Variants in GCKR observed in about 807,000 individuals in gnomAD.
GCKR encodes the protein glucokinase regulatory protein.
In GCKR, 73 loss-of-function variants were observed where a neutral mutation model predicts 82.9. The observed-to-expected ratio is 0.88, with a 90% confidence interval of 0.73 to 1.07. GCKR has a LOEUF of 1.07. Ranked by LOEUF, GCKR falls within the 50% of genes least tolerant of loss-of-function variation. GCKR has a pLI of 0.00. For missense variants in GCKR, 784 were observed against 782.1 expected (o/e 1.00, Z -0.03); for synonymous variants, 294 against 291.8 (o/e 1.01, Z -0.08).
chr2:27,517,720 C>T (rs529255350), intron 16 of GCKR, among the ~76,000 whole-genome samples: 5 of 152,278 alleles, frequency 3.3e-5, no homozygotes, highest in African/African-American at 1.2e-4. Flanking sequence ...TTATAAGTGC[C>T]CCAAGGTGGA....
rs1443767435 is a variant in GCKR, at chr2:27,508,000, A to G, written c.1264A>G (p.Ile422Val). The G allele has an allele frequency of 4.0e-5, 64 of 1,613,242 alleles. No individual in the cohort carries two copies. The highest frequency in any genetic ancestry group is 5.1e-5 in the Non-Finnish European group (60 of 1,179,228). ...LDDNLTEVQT[I>V]VEQVKEKTNH... ...AGACAACCTCACGGAGGTGCAGACTATAGTGGAGCAGGTGAAAGAGAAGAC... is the reference window on the plus strand; with the variant it reads ...AGACAACCTCACGGAGGTGCAGACTGTAGTGGAGCAGGTGAAAGAGAAGAC... Residue 422 changes from isoleucine (I) to valine (V), a missense_variant, in exon 15 of 19, where the codon ATA (isoleucine) becomes GTA (valine). Coordinates refer to ENST00000264717, the MANE Select transcript of GCKR (RefSeq NM_001486.4).
intron 4 of GCKR, 93 bp downstream of exon 4, chr2:27,498,416 C>A: frequency 1.0e-6 from 1 of 962,106 alleles, no homozygotes; most frequent in Non-Finnish European, 1.7e-6. Flanking sequence ...TCCCAGGTGG[C>A]CCCCTCACTA....
chr2:27,513,368 T>G (rs1320544675), intron 16 of GCKR, among the ~76,000 whole-genome samples: 1 of 151,814 alleles, frequency 6.6e-6, no homozygotes, highest in African/African-American at 2.4e-5. Context: ...CCATCTCTAC[T>G]AAAATACAAA....
At chr2:27,510,891 A>G (rs1212423744) in intron 16 of GCKR, among the ~76,000 whole-genome samples, 2 of 149,454 alleles carry the variant, frequency 1.3e-5, no homozygotes, top group Non-Finnish European at 1.5e-5. Context: ...TTTCTTTTCT[A>G]TATTTTTCCC....
chr2:27,509,975 G>GC (rs1357693847), intron 16 of GCKR, among the ~76,000 whole-genome samples: 1 of 150,450 alleles, frequency 6.6e-6, no homozygotes, highest in African/African-American at 2.4e-5. Context: ...TTTTTATCAT[G>GC]CCGGGACATG....
chr2:27,498,160 C>A, intron 3 of GCKR, 95 bp from the exon 4 acceptor site: 1 of 957,464 alleles, frequency 1.0e-6, no homozygotes, highest in Non-Finnish European at 1.7e-6. Flanking sequence ...GATAAGGAGT[C>A]TTTCCAATTC....
intron 3 of GCKR, 38 bp downstream of exon 3, chr2:27,497,668 T>C: frequency 7.9e-7 from 1 of 1,262,552 alleles, no homozygotes; most frequent in Non-Finnish European, 1.2e-6. Flanking sequence ...TAAACTTTTC[T>C]GTTTCCCTCT....
rs1266744560 is a variant in GCKR at position 27,497,329 on chromosome 2, T to C, written c.146T>C (p.Ile49Thr). 3 of 1,614,150 alleles carry C rather than the reference T, an allele frequency of 1.9e-6. No homozygotes were observed. The highest frequency in any genetic ancestry group is 2.2e-5 in the East Asian group (1 of 44,874). The change falls in exon 2 of 19, where the codon ATT (isoleucine) becomes ACT (threonine). Residue 49 changes from isoleucine (I) to threonine (T), a missense_variant. Coordinates refer to ENST00000264717, the MANE Select transcript of GCKR (RefSeq NM_001486.4). Reference sequence around the variant, plus strand: ...CTAGACAAAGCAGATGCTGAGAACATTGTTCGACTGCTAGGGCAATGTGAT... The same window carrying C: ...CTAGACAAAGCAGATGCTGAGAACACTGTTCGACTGCTAGGGCAATGTGAT... ...QDLDKADAEN[I>T]VRLLGQCDAE... is the part of the protein sequence containing the mutation.
In GCKR at chr2:27,497,623, T is replaced by C. The variant is rs1288804784; in HGVS notation, c.278T>C (p.Val93Ala). The change falls in exon 3 of 19, where the codon GTG (valine) becomes GCG (alanine). Residue 93 changes from valine to alanine, a missense_variant. By Grantham distance (64) the Val-to-Ala change is moderately conservative. Transcript: ENST00000264717. Reference protein sequence around the residue: ...MVQVAGKVQEVLKEPDGGLVV... With the variant: ...MVQVAGKVQEALKEPDGGLVV... ...CAGGTGGCTGGGAAAGTTCAGGAAG[T>C]GCTGAAGGTACTAACCTTCCTTCTG... 2.5e-6 allele frequency: 4 copies of C among 1,604,626 alleles called. No individual in the cohort carries two copies. The highest frequency in any genetic ancestry group is 3.4e-6 in the Non-Finnish European group (4 of 1,171,298).
chr2:27,498,348 C>T (rs1258959285), intron 4 of GCKR, 25 bp downstream of exon 4: 2 of 1,567,800 alleles, frequency 1.3e-6, no homozygotes, highest in Admixed American at 1.7e-5. Flanking sequence ...CTCCAGTTTT[C>T]TTCCCCCTCC....
intron 4 of GCKR, 80 bp from the exon 5 acceptor site, chr2:27,498,644 C>A: frequency 1.2e-6 from 1 of 868,346 alleles, no homozygotes; most frequent in Non-Finnish European, 2.0e-6. Context: ...TATATAGTCT[C>A]TGCCCTCTAG....
chr2:27,498,868 CT>C (rs1669494053), intron 5 of GCKR, 71 bp downstream of exon 5: 4 of 914,978 alleles, frequency 4.4e-6, no homozygotes, highest in Admixed American at 3.5e-5. Flanking sequence ...GTTGGAATAC[CT>C]TTAGACAGAG....
At chr2:27,518,528 T>C (rs1305871267) in intron 16 of GCKR, among the ~76,000 whole-genome samples, 2 of 152,094 alleles carry the variant, frequency 1.3e-5, no homozygotes, top group East Asian at 1.9e-4. Flanking sequence ...AAAATTCTAA[T>C]ATGGAAGGAC....
In GCKR at chr2:27,522,582, T is replaced by G; in HGVS notation, c.1695T>G (p.His565Gln). 6.2e-7 allele frequency: 1 copy of G among 1,613,756 alleles called. No homozygotes were observed. Among genetic ancestry groups the G allele is most frequent in the South Asian group, 1.1e-5 (1 of 91,062 alleles). ...APISCHVQVA[H>Q]EKEQVIPIAL... ...TCTCCTGCCATGTCCAGGTTGCACA[T>G]GAGAAGGAACAGGTATCCTGCCCAC... is the stretch of plus-strand genomic sequence containing the variant. Residue 565 changes from histidine to glutamine, a missense_variant, in exon 18 of 19, where the codon CAT becomes CAG. Transcript: ENST00000264717.
chr2:27,519,602 G>C (rs533322950), intron 17 of GCKR, among the ~76,000 whole-genome samples: 2 of 152,092 alleles, frequency 1.3e-5, no homozygotes, highest in Admixed American at 6.6e-5. Flanking sequence ...GCACCCGGCC[G>C]TTGCTCTCAT....
At chr2:27,497,037 G>T (rs773722237) in intron 1 of GCKR, 73 bp downstream of exon 1, 120 of 1,313,160 alleles carry the variant, frequency 9.1e-5, no homozygotes, top group Non-Finnish European at 1.2e-4. Flanking sequence ...TTCCCTCCCC[G>T]CTGGTTTCTG....
At chr2:27,514,345 A>T (rs948696379) in intron 16 of GCKR, among the ~76,000 whole-genome samples, 2 of 152,208 alleles carry the variant, frequency 1.3e-5, no homozygotes, top group Admixed American at 1.3e-4. Context: ...TCCCTTAGTG[A>T]TAATGTTGAT....
At chr2:27,522,435 A>C (rs773590024) in intron 17 of GCKR, 25 bp from the exon 18 acceptor site, 78 of 1,613,280 alleles carry the variant, frequency 4.8e-5, no homozygotes, top group Non-Finnish European at 6.4e-5. Context: ...TTAGCCTGAC[A>C]CTGATCTTAC....
chr2:27,500,375 T>G (rs1669546271), intron 7 of GCKR, among the ~76,000 whole-genome samples: 1 of 152,212 alleles, frequency 6.6e-6, no homozygotes, highest in South Asian at 2.1e-4. Flanking sequence ...TGACCTCAAG[T>G]GATCTGCCCA....
Sources: gnomAD v4.1 joint callset for allele counts (sites outside exome capture counted in the v4.1 genomes callset) on GRCh38, gnomAD v4.1.1 for gene constraint, MANE v1.5 for transcripts, NCBI Gene and HGNC (gene_info 2026-07-23, HGNC 2026-07-21) for gene names.